Variants in VSTM2B observed in about 807,000 individuals in gnomAD.
VSTM2B encodes V-set and transmembrane domain-containing protein 2B.
In VSTM2B, 24 loss-of-function variants were observed where a neutral mutation model predicts 24.0. That is an observed-to-expected ratio of 1.00 (90% CI 0.72 to 1.40). The LOEUF (loss-of-function observed/expected upper bound fraction) is 1.40. Among genes scored for constraint, VSTM2B ranks in the 40% most tolerant of loss-of-function variants. The pLI, the probability that VSTM2B is intolerant of heterozygous loss-of-function variation, is 0.00. For synonymous variants in VSTM2B, 226 were observed against 194.4 expected (o/e 1.16, Z -1.35); for missense variants, 399 against 416.4 (o/e 0.96, Z 0.36).
Position 29,529,922 on chromosome 19 carries a change from A to G in VSTM2B, c.401A>G (p.Asp134Gly), listed in dbSNP as rs1339421506. 7 of 1,550,060 alleles carry G rather than the reference A, an allele frequency of 4.5e-6. No individual in the cohort carries two copies. In the Admixed American group the frequency reaches 1.4e-4, roughly 30 times the overall value. ...VYECRVSDYS[D>G]DDTQEHKAQA... is the part of the protein sequence containing the mutation. ...GAGTGCCGCGTGTCGGACTACAGCGACGACGACACGCAGGAGCACAAGGCC... is the reference window on the plus strand; with the variant it reads ...GAGTGCCGCGTGTCGGACTACAGCGGCGACGACACGCAGGAGCACAAGGCC... Residue 134 changes from aspartate (D) to glycine (G), a missense_variant, in exon 4 of 5, where the codon GAC becomes GGC. Transcript: ENST00000335523.
At chr19:29,551,070 G>A (rs1376669409) in intron 4 of VSTM2B, among the ~76,000 whole-genome samples, 1 of 152,264 alleles carries the variant, frequency 6.6e-6, no homozygotes. Context: ...ATGGGCAGCA[G>A]TGGCTGCCCT....
rs1335249409 is a variant in VSTM2B, at chr19:29,564,416, CATCTT to C, written c.*486_*490del. The C allele has an allele frequency of 1.3e-5, 2 of 152,086 alleles. No individual in the cohort carries two copies. The highest frequency in any genetic ancestry group is 2.1e-4 in the South Asian group (1 of 4,826). The allele number at this position is 152,086 out of a possible 1,614,324, so 9.4% of individuals were successfully genotyped here. On this transcript the variant is annotated 3_prime_UTR_variant, in exon 5 of 5. Coordinates refer to ENST00000335523, the MANE Select transcript of VSTM2B (RefSeq NM_001146339.2). The stretch of plus-strand genomic sequence containing the variant: ...TGAGGCATTTTGATTAAAAAAGACA[CATCTT>C]ATCATAATTAAAATTCACTGTCAAT...
intron 4 of VSTM2B, among the ~76,000 whole-genome samples, chr19:29,533,976 C>T (rs1392400208): frequency 3.9e-5 from 6 of 152,182 alleles, no homozygotes; most frequent in African/African-American, 9.7e-5. Context: ...CAGAAAGGAC[C>T]GCTGCCTCTT....
At position 29,548,303 on chromosome 19, in the gene VSTM2B, G is replaced by A. The variant is rs543101126; in HGVS notation, c.770-15543G>A. 5.3e-5 allele frequency among the ~76,000 whole-genome samples: 8 copies of A among 152,174 alleles called. No homozygotes were observed. In the East Asian group the frequency reaches 7.7e-4, roughly 15 times the overall value. ...AGCTGACTACCCAGGGCCTGGAAGC[G>A]AGGGACAGGGCAGGAGGACCTGTGC... On this transcript the variant is annotated intron_variant, in intron 4 of 4. Transcript: ENST00000335523.
intron 4 of VSTM2B, among the ~76,000 whole-genome samples, chr19:29,535,133 A>G (rs1338234832): frequency 2.0e-5 from 3 of 152,242 alleles, no homozygotes; most frequent in Non-Finnish European, 2.9e-5. Flanking sequence ...GAGCAGGCGC[A>G]GGAGGCTGGG....
At chr19:29,545,000 G>A (rs1253340279) in intron 4 of VSTM2B, among the ~76,000 whole-genome samples, 2 of 152,152 alleles carry the variant, frequency 1.3e-5, no homozygotes, top group Admixed American at 6.5e-5. Flanking sequence ...AGAAGACAGG[G>A]GTCAGACAGT....
intron 4 of VSTM2B, among the ~76,000 whole-genome samples, chr19:29,536,110 G>T (rs77620805): frequency 1.3e-5 from 2 of 152,276 alleles, no homozygotes; most frequent in East Asian, 3.9e-4. Flanking sequence ...CATTATCAGC[G>T]ACATGGCATC....
intron 4 of VSTM2B, among the ~76,000 whole-genome samples, chr19:29,557,597 G>A (rs1300560136): frequency 2.6e-5 from 4 of 151,998 alleles, no homozygotes; most frequent in Non-Finnish European, 4.4e-5. Flanking sequence ...TACTCAGGGC[G>A]CTGAGGCAGG....
chr19:29,554,089 C>G (rs925148083), intron 4 of VSTM2B, among the ~76,000 whole-genome samples: 21 of 152,082 alleles, frequency 1.4e-4, no homozygotes, highest in Admixed American at 2.0e-4. Context: ...GAAAGATACT[C>G]CATGAGAAGA....
intron 4 of VSTM2B, among the ~76,000 whole-genome samples, chr19:29,562,061 G>A (rs1023306614): frequency 8.5e-5 from 13 of 152,168 alleles, no homozygotes; most frequent in Non-Finnish European, 1.6e-4. Flanking sequence ...GTGCAGAAGC[G>A]ATGGTCTATG....
chr19:29,563,074 T>C (rs983201794), intron 4 of VSTM2B, among the ~76,000 whole-genome samples: 4 of 151,548 alleles, frequency 2.6e-5, no homozygotes, highest in African/African-American at 9.7e-5. Flanking sequence ...CCAGACAGGG[T>C]GCGTGGGAGT....
intron 4 of VSTM2B, among the ~76,000 whole-genome samples, chr19:29,561,172 CA>C (rs1970514825): frequency 6.6e-6 from 1 of 151,994 alleles, no homozygotes; most frequent in South Asian, 2.1e-4. Flanking sequence ...ATTAGCCAAG[CA>C]TGGTGGCAAG....
At chr19:29,557,395 A>T (rs996560384) in intron 4 of VSTM2B, among the ~76,000 whole-genome samples, 2 of 152,206 alleles carry the variant, frequency 1.3e-5, no homozygotes, top group Non-Finnish European at 2.9e-5. Context: ...TTAACTCAAG[A>T]TAGATTAAAG....
chr19:29,527,193 CT>C lies in VSTM2B; in HGVS notation c.83-17del. 3.9e-6 allele frequency: 6 copies of C among 1,544,104 alleles called. No individual in the cohort carries two copies. Among genetic ancestry groups the C allele is most frequent in the Non-Finnish European group, 5.2e-6 (6 of 1,143,324 alleles). ...GACCTACAGCTGGTCACGCCTCTCTCTCTCTCCCCACCCCCAGCTGCATTCA... is the reference window on the plus strand; with the variant it reads ...GACCTACAGCTGGTCACGCCTCTCTCCTCTCCCCACCCCCAGCTGCATTCA... On this transcript the variant is annotated splice_polypyrimidine_tract_variant and intron_variant, in intron 1 of 4. Coordinates refer to ENST00000335523, the MANE Select transcript of VSTM2B (RefSeq NM_001146339.2).
chr19:29,530,413 C>T (rs981529662), intron 4 of VSTM2B, 123 bp downstream of exon 4: 2 of 848,480 alleles, frequency 2.4e-6, no homozygotes, highest in Non-Finnish European at 3.3e-6. Flanking sequence ...TATGCATACT[C>T]CTTCCTAGTT....
At chr19:29,558,511 C>G (rs1197210283) in intron 4 of VSTM2B, among the ~76,000 whole-genome samples, 3 of 152,142 alleles carry the variant, frequency 2.0e-5, no homozygotes, top group Non-Finnish European at 4.4e-5. Flanking sequence ...GTGTATACAC[C>G]ATAGAATACT....
intron 4 of VSTM2B, among the ~76,000 whole-genome samples, chr19:29,531,057 CT>C (rs1379362331): frequency 8.0e-6 from 1 of 124,982 alleles, no homozygotes; most frequent in African/African-American, 3.0e-5. Context: ...TGACTACCCC[CT>C]GGTAGGCAGC....
At chr19:29,540,006 G>A (rs1033896449) in intron 4 of VSTM2B, among the ~76,000 whole-genome samples, 1 of 152,282 alleles carries the variant, frequency 6.6e-6, no homozygotes, top group Non-Finnish European at 1.5e-5. Context: ...CTGCCCTCAG[G>A]GAGGAAGGCA....
chr19:29,560,605 C>A (rs1044395023), intron 4 of VSTM2B, among the ~76,000 whole-genome samples: 6 of 152,208 alleles, frequency 3.9e-5, no homozygotes, highest in African/African-American at 1.4e-4. Context: ...GAACCCTCCC[C>A]AGACATCAGC....
Sources: allele counts gnomAD v4.1 joint callset (sites outside exome capture counted in the v4.1 genomes callset), GRCh38; gene constraint gnomAD v4.1.1; transcripts MANE v1.5; gene names NCBI Gene and HGNC (gene_info 2026-07-23, HGNC 2026-07-21).